The following FRMD4A variants were observed in gnomAD, a reference collection of about 807,000 sequenced individuals.
FRMD4A encodes the protein FERM domain containing 4A.
Under a neutral mutation model 129.1 loss-of-function variants are expected in FRMD4A, and 29 were observed. The observed-to-expected ratio is 0.22, with a 90% confidence interval of 0.17 to 0.31. FRMD4A has a LOEUF of 0.31. FRMD4A is among the 10% of genes least tolerant of loss of function. FRMD4A has a pLI of 1.00. For missense variants in FRMD4A, 1,272 were observed against 1,375.8 expected, an observed-to-expected ratio of 0.92 and a Z score of 1.19; for synonymous variants, 634 against 571.6, an observed-to-expected ratio of 1.11 and a Z score of -1.56.
chr10:14,028,784 T>C (rs889929877), intron 2 of FRMD4A, among the ~76,000 whole-genome samples: 1 of 152,168 alleles, frequency 6.6e-6, no homozygotes, highest in Non-Finnish European at 1.5e-5. Flanking sequence ...GGTTGGGATT[T>C]GCAGCACTAA....
rs369798483 is a variant in FRMD4A at position 13,740,823 on chromosome 10, G to GTTTTTTTTTTTTTT, written c.549-247_549-246insAAAAAAAAAAAAAA. The stretch of plus-strand genomic sequence containing the variant: ...GACTTGCATTCTCTTTGTCTTGGAT[G>GTTTTTTTTTTTTTT]TTTGTTTTTTTTTTTTTTTTTGAGA... On this transcript the variant is annotated intron_variant, in intron 9 of 24. Transcript: ENST00000357447. Among the ~76,000 whole-genome samples, 4 of 105,108 alleles carry GTTTTTTTTTTTTTT rather than the reference G, an allele frequency of 3.8e-5. 2 individuals carry two copies. The highest frequency in any genetic ancestry group is 7.3e-5 in the Non-Finnish European group (4 of 55,062). The allele number at this position is 105,108 out of a possible 152,430, so 69.0% of individuals were successfully genotyped here. A position where few individuals can be genotyped will look rare whatever the true frequency, so the allele number is the denominator to read the frequency against.
At chr10:14,035,032 G>A (rs935129461) in intron 2 of FRMD4A, among the ~76,000 whole-genome samples, 4 of 152,170 alleles carry the variant, frequency 2.6e-5, no homozygotes, top group Non-Finnish European at 5.9e-5. Flanking sequence ...TGAGTAATAT[G>A]AAACAGTACA....
chr10:14,253,179 G>T (rs920831555), intron 2 of FRMD4A, among the ~76,000 whole-genome samples: 2 of 152,170 alleles, frequency 1.3e-5, no homozygotes, highest in Admixed American at 1.3e-4. Flanking sequence ...AAAAACTGTT[G>T]TTTGTTTTTG....
At chr10:14,173,586 A>G (rs1841584232) in intron 2 of FRMD4A, among the ~76,000 whole-genome samples, 2 of 152,070 alleles carry the variant, frequency 1.3e-5, no homozygotes, top group African/African-American at 4.8e-5. Flanking sequence ...GGAAGAGGAA[A>G]GAGGCTATTT....
intron 12 of FRMD4A, among the ~76,000 whole-genome samples, chr10:13,735,519 T>A (rs891951933): frequency 6.6e-6 from 1 of 152,244 alleles, no homozygotes; most frequent in African/African-American, 2.4e-5. Context: ...TAGCTATGCA[T>A]CCTTTCCTGT....
intron 2 of FRMD4A, among the ~76,000 whole-genome samples, chr10:14,320,379 C>G (rs1846928484): frequency 6.6e-6 from 1 of 152,152 alleles, no homozygotes. Flanking sequence ...CCCACATTTG[C>G]CCTCCCCAAC....
intron 2 of FRMD4A, among the ~76,000 whole-genome samples, chr10:14,062,007 C>G (rs1397758531): frequency 6.7e-6 from 1 of 148,238 alleles, no homozygotes; most frequent in Admixed American, 6.7e-5. Context: ...CAAAATAAAT[C>G]AAAACTCAAA....
At chr10:13,737,119 T>A (rs2090675413) in intron 12 of FRMD4A, among the ~76,000 whole-genome samples, 1 of 152,184 alleles carries the variant, frequency 6.6e-6, no homozygotes, top group Admixed American at 6.5e-5. Flanking sequence ...AGACAAAGTC[T>A]TGTTCTGTCA....
chr10:13,923,276 T>G (rs1425307314), intron 2 of FRMD4A, among the ~76,000 whole-genome samples: 2 of 152,222 alleles, frequency 1.3e-5, no homozygotes, highest in Admixed American at 1.3e-4. Flanking sequence ...ACAGTGTATA[T>G]GTAAATAAAC....
intron 2 of FRMD4A, among the ~76,000 whole-genome samples, chr10:13,924,368 C>A (rs781074934): frequency 5.3e-5 from 8 of 151,666 alleles, no homozygotes; most frequent in Non-Finnish European, 8.8e-5. Flanking sequence ...TGGAAATCTC[C>A]TTTCTACCCC....
At position 14,033,389 on chromosome 10, in the gene FRMD4A, T is replaced by G. The variant is rs182781926; in HGVS notation, c.46-174477A>C. Among the ~76,000 whole-genome samples, 588 of 151,964 alleles carry G rather than the reference T, an allele frequency of 3.9e-3. 1 individual carries two copies. Among genetic ancestry groups the G allele is most frequent in the African/African-American group, 0.013 (536 of 41,422 alleles). ...TATTAATACATGCTTATTGGTGGAG[T>G]GTGGGCTTCTAGTGTGACCATCACC... is the stretch of plus-strand genomic sequence containing the variant. On this transcript the variant is annotated intron_variant, in intron 2 of 24. Transcript: ENST00000357447.
intron 4 of FRMD4A, among the ~76,000 whole-genome samples, chr10:13,800,338 G>A (rs764934775): frequency 1.3e-5 from 2 of 152,202 alleles, no homozygotes; most frequent in Non-Finnish European, 2.9e-5. Context: ...CTGCCTGCAA[G>A]AGCAAGCCAT....
At position 14,138,828 on chromosome 10, in the gene FRMD4A, C is replaced by T. The variant is rs370778390; in HGVS notation, c.45+191230G>A. On this transcript the variant is annotated intron_variant, in intron 2 of 24. Coordinates refer to ENST00000357447, the MANE Select transcript of FRMD4A (RefSeq NM_018027.5). Reference sequence around the variant, plus strand: ...AGTAATTTTAACCCACTGCTAGCATCGGTAATATTCAGGTAGGGCAACTGC... The same window carrying T: ...AGTAATTTTAACCCACTGCTAGCATTGGTAATATTCAGGTAGGGCAACTGC... Among the ~76,000 whole-genome samples, 13 of 152,094 alleles carry T rather than the reference C, an allele frequency of 8.5e-5. No homozygotes were observed. The East Asian group carries it at 1.4e-3, about 16-fold the overall frequency.
chr10:14,260,587 T>C (rs75678437), intron 2 of FRMD4A, among the ~76,000 whole-genome samples: 1 of 152,258 alleles, frequency 6.6e-6, no homozygotes, highest in East Asian at 1.9e-4. Context: ...TTTTTAAGAT[T>C]ATAACTGAAG....
At chr10:13,693,437 C>T (rs1381558575) in intron 15 of FRMD4A, 19 of 921,154 alleles carry the variant, frequency 2.1e-5, no homozygotes, top group African/African-American at 5.4e-5. Flanking sequence ...CCCTGCGACA[C>T]GATGGAGAGA....
At chr10:13,882,373 G>A (rs577329083) in intron 2 of FRMD4A, among the ~76,000 whole-genome samples, 13 of 152,328 alleles carry the variant, frequency 8.5e-5, no homozygotes, top group African/African-American at 3.1e-4. Context: ...GAAAGAGGAA[G>A]CTCGAGGCAG....
At chr10:14,097,420 C>T (rs775340936) in intron 2 of FRMD4A, among the ~76,000 whole-genome samples, 11 of 152,042 alleles carry the variant, frequency 7.2e-5, no homozygotes, top group South Asian at 4.1e-4. Context: ...GCACTAACTA[C>T]GTTCTAGGCA....
chr10:14,001,591 G>A (rs80023123), intron 2 of FRMD4A, among the ~76,000 whole-genome samples: 1,591 of 152,268 alleles, frequency 0.01, 18 homozygotes, highest in African/African-American at 0.036. Context: ...GGCTTAACAT[G>A]ACATAAGCTG....
Position 14,062,515 on chromosome 10 carries a change from C to T in FRMD4A, c.46-203603G>A, listed in dbSNP as rs879726273. Among the ~76,000 whole-genome samples the T allele has an allele frequency of 3.3e-5, 5 of 152,252 alleles. No homozygotes were observed. The East Asian group carries it at 9.7e-4, about 29-fold the overall frequency. On this transcript the variant is annotated intron_variant, in intron 2 of 24. Coordinates refer to ENST00000357447, the MANE Select transcript of FRMD4A (RefSeq NM_018027.5). Reference sequence around the variant, plus strand: ...AGCATGTTTATACTAATGGTGAAACCGACTCTAAGAAAGCAATACAAATAA... The same window carrying T: ...AGCATGTTTATACTAATGGTGAAACTGACTCTAAGAAAGCAATACAAATAA...
Sources: allele counts gnomAD v4.1 joint callset (sites outside exome capture counted in the v4.1 genomes callset), GRCh38; gene constraint gnomAD v4.1.1; transcripts MANE v1.5; gene names NCBI Gene and HGNC (gene_info 2026-07-23, HGNC 2026-07-21).